Variants in TDRD15 observed in about 807,000 individuals in gnomAD.
The protein encoded by TDRD15 is tudor domain containing 15.
For synonymous variants in TDRD15, 503 were observed against 314.5 expected (o/e 1.60, Z -6.34); for missense variants, 1,416 against 904.7 (o/e 1.57, Z -7.25).
Position 21,140,296 on chromosome 2 carries a change from G to A in TDRD15, c.2829G>A (p.Glu943=). 2.8e-6 allele frequency: 2 copies of A among 714,754 alleles called. No individual in the cohort carries two copies. The highest frequency in any genetic ancestry group is 2.6e-6 in the Non-Finnish European group (1 of 383,618). 44.3% of individuals were successfully genotyped at this position (714,754 alleles called of 1,614,324 possible). A position where few individuals can be genotyped will look rare whatever the true frequency, so the allele number is the denominator to read the frequency against. The change falls in exon 4 of 4, where the codon GAG becomes GAA. Residue 943 remains glutamate (E), a synonymous_variant. Coordinates refer to ENST00000405799, the MANE Select transcript of TDRD15 (RefSeq NM_001306137.2). ...CTGCTCAGTATATCACATTATCAGA[G>A]ACATTCCCATCTTTATTTAGTCTTT... is the stretch of plus-strand genomic sequence containing the variant. ...RGSAQYITLS[E]TFPSLFSLYS...
rs1665911076 is a variant in TDRD15, at chr2:21,140,958, G to A, written c.3491G>A (p.Arg1164Lys). Residue 1164 changes from arginine (R) to lysine (K), a missense_variant, in exon 4 of 4, where the codon AGA (arginine) becomes AAA (lysine). By Grantham distance (26) the Arg-to-Lys change is conservative. Transcript: ENST00000405799. ...AGTAATAAAATAAATGAGAATAAGA[G>A]ATTTACTACTTCTTTGAAAGGCAAA... is the stretch of plus-strand genomic sequence containing the variant. ...EKSNKINENK[R>K]FTTSLKGKTG... The A allele has an allele frequency of 4.2e-6, 3 of 713,426 alleles. No individual in the cohort carries two copies. Among genetic ancestry groups the A allele is most frequent in the Non-Finnish European group, 5.2e-6 (2 of 383,240 alleles). The allele number at this position is 713,426 out of a possible 1,614,324, so 44.2% of individuals were successfully genotyped here.
rs1479554937 is a variant in TDRD15 at position 21,142,625 on chromosome 2, A to G, written c.5158A>G (p.Thr1720Ala). The G allele has an allele frequency of 2.8e-6, 2 of 712,756 alleles. No individual in the cohort carries two copies. The highest frequency in any genetic ancestry group is 2.0e-5 in the Admixed American group (1 of 49,558). 44.2% of individuals were successfully genotyped at this position (712,756 alleles called of 1,614,324 possible). ...ATCTAAGACTCCTGTATCATCATGC[A>G]CAATAAAATCATTTACTTGGGTTCA... ...IESKTPVSSC[T>A]IKSFTWVQFQ... The change falls in exon 4 of 4, where the codon ACA becomes GCA. Residue 1720 changes from threonine to alanine, a missense_variant. Physicochemically the swap from Thr to Ala is moderately conservative, Grantham distance 58 (BLOSUM62 0). Transcript: ENST00000405799.
At chr2:21,135,986 G>A (rs888360663) in intron 3 of TDRD15, among the ~76,000 whole-genome samples, 1 of 151,896 alleles carries the variant, frequency 6.6e-6, no homozygotes, top group Admixed American at 6.6e-5. Context: ...GATCTTCTGG[G>A]TACCTCTACT....
Position 21,143,341 on chromosome 2 carries a change from C to T in TDRD15, c.*69C>T. ...TACAAAAAACAAAATATAAATTTTA[C>T]ATACACTGAGAAACAAAAGTGTAAA... On this transcript the variant is annotated 3_prime_UTR_variant, in exon 4 of 4. Coordinates refer to ENST00000405799, the MANE Select transcript of TDRD15 (RefSeq NM_001306137.2). 2.0e-6 allele frequency: 1 copy of T among 500,862 alleles called. No individual in the cohort carries two copies. The highest frequency in any genetic ancestry group is 3.7e-5 in the South Asian group (1 of 27,364). 31.0% of individuals were successfully genotyped at this position (500,862 alleles called of 1,614,324 possible).
At position 21,142,041 on chromosome 2, in the gene TDRD15, T is replaced by A. The variant is rs1356082501; in HGVS notation, c.4574T>A (p.Leu1525His). ...LFKIPLEEFKLGQLEKAEMLN... is the reference protein window; with the variant it reads ...LFKIPLEEFKHGQLEKAEMLN... ...AAAATTCCTTTGGAAGAATTCAAAC[T>A]TGGACAACTTGAAAAAGCTGAAATG... The change falls in exon 4 of 4, where the codon CTT (leucine) becomes CAT (histidine). Residue 1525 changes from leucine to histidine, a missense_variant. By Grantham distance (99) the Leu-to-His change is moderately conservative. Coordinates refer to ENST00000405799, the MANE Select transcript of TDRD15 (RefSeq NM_001306137.2). The A allele has an allele frequency of 1.0e-5, 7 of 701,310 alleles. No individual in the cohort carries two copies. In the African/African-American group the frequency reaches 1.2e-4, roughly 12 times the overall value. 43.4% of individuals were successfully genotyped at this position (701,310 alleles called of 1,614,324 possible).
intron 1 of TDRD15, among the ~76,000 whole-genome samples, chr2:21,125,419 C>A (rs547979284): frequency 7.1e-6 from 1 of 141,560 alleles, no homozygotes; most frequent in African/African-American, 2.6e-5. Flanking sequence ...GGAAGAGATC[C>A]GAATGCCAGG....
rs918945819 is a variant in TDRD15, at chr2:21,137,866, G to A, written c.399G>A (p.Gly133=). The change falls in exon 4 of 4, where the codon GGG becomes GGA. Residue 133 remains glycine (G), a synonymous_variant. Coordinates refer to ENST00000405799, the MANE Select transcript of TDRD15 (RefSeq NM_001306137.2). ...TTTTTGCGAATATACTACCAGTTGG[G>A]GAAAAATGGTCCCCTAAAGCTTTGA... The part of the protein sequence containing the change: ...FGIFANILPV[G]EKWSPKALNY... 2 of 715,316 alleles carry A rather than the reference G, an allele frequency of 2.8e-6. No homozygotes were observed. Among genetic ancestry groups the A allele is most frequent in the Non-Finnish European group, 5.2e-6 (2 of 384,118 alleles). 44.3% of individuals were successfully genotyped at this position (715,316 alleles called of 1,614,324 possible). A position where few individuals can be genotyped will look rare whatever the true frequency, so the allele number is the denominator to read the frequency against.
chr2:21,125,616 A>G (rs772700144), intron 1 of TDRD15, among the ~76,000 whole-genome samples: 1 of 152,078 alleles, frequency 6.6e-6, no homozygotes, highest in Admixed American at 6.5e-5. Context: ...TTGTTGTACC[A>G]CTTTGGTATA....
At chr2:21,145,851 A>G (rs1666022016), downstream of TDRD15, among the ~76,000 whole-genome samples, 1 of 151,970 alleles carries the variant, frequency 6.6e-6, no homozygotes, top group Non-Finnish European at 1.5e-5. Context: ...TAAGACATCA[A>G]TATTTGAAAG....
At chr2:21,130,537 C>T (rs1665697184) in intron 2 of TDRD15, among the ~76,000 whole-genome samples, 1 of 152,162 alleles carries the variant, frequency 6.6e-6, no homozygotes. Flanking sequence ...GAAGTCGAAC[C>T]ATCGTAAGTC....
intron 2 of TDRD15, among the ~76,000 whole-genome samples, chr2:21,132,790 T>C: frequency 6.6e-6 from 1 of 152,306 alleles, no homozygotes; most frequent in East Asian, 1.9e-4. Context: ...TTAGATAGTT[T>C]TAATAAATTA....
Position 21,139,093 on chromosome 2 carries a change from T to C in TDRD15, c.1626T>C (p.Tyr542=), listed in dbSNP as rs1316181168. ...PEPGLFCCAR[Y]SKDRRFYRAV... is the part of the protein sequence containing the mutation. ...CTGGATTATTTTGTTGTGCTAGATA[T>C]AGCAAGGACAGACGTTTTTACAGAG... Residue 542 remains tyrosine, a synonymous_variant, in exon 4 of 4, where the codon TAT becomes TAC. Transcript: ENST00000405799. The C allele has an allele frequency of 2.8e-6, 2 of 714,956 alleles. No homozygotes were observed. Among genetic ancestry groups the C allele is most frequent in the Non-Finnish European group, 5.2e-6 (2 of 383,890 alleles). 44.3% of individuals were successfully genotyped at this position (714,956 alleles called of 1,614,324 possible).
chr2:21,137,710 C>A lies in TDRD15; in HGVS notation c.243C>A (p.Val81=). The change falls in exon 4 of 4, where the codon GTC becomes GTA. Residue 81 remains valine (V), a synonymous_variant. Coordinates refer to ENST00000405799, the MANE Select transcript of TDRD15 (RefSeq NM_001306137.2). ...RVSGEWQRGR[V]MEKKNELYTV... ...CTGGAGAATGGCAGAGAGGAAGAGT[C>A]ATGGAAAAGAAAAATGAACTCTATA... 1 of 714,446 alleles carries A rather than the reference C, an allele frequency of 1.4e-6. No homozygotes were observed. The highest frequency in any genetic ancestry group is 1.5e-5 in the South Asian group (1 of 66,996). The allele number at this position is 714,446 out of a possible 1,614,324, so 44.3% of individuals were successfully genotyped here.
rs927430740 is a variant in TDRD15 at position 21,142,816 on chromosome 2, C to T, written c.5349C>T (p.Pro1783=). 22 of 714,742 alleles carry T rather than the reference C, an allele frequency of 3.1e-5. No homozygotes were observed. The highest frequency in any genetic ancestry group is 1.1e-4 in the African/African-American group (6 of 57,110). 44.3% of individuals were successfully genotyped at this position (714,742 alleles called of 1,614,324 possible). Residue 1783 remains proline, a synonymous_variant, in exon 4 of 4, where the codon CCC becomes CCT. Coordinates refer to ENST00000405799, the MANE Select transcript of TDRD15 (RefSeq NM_001306137.2). ...CATTGCCTCAGGAGTTCATAATTCC[C>T]GGTTCTAGTTGTTTGTTCAAATATA... is the stretch of plus-strand genomic sequence containing the variant. The part of the protein sequence containing the change: ...LQTLPQEFII[P]GSSCLFKYKS...
chr2:21,128,949 T>TA (rs1665655377), intron 2 of TDRD15, among the ~76,000 whole-genome samples: 3 of 152,002 alleles, frequency 2.0e-5, no homozygotes, highest in African/African-American at 7.3e-5. Context: ...GTTATTTATT[T>TA]TTTTTTTGAC....
At chr2:21,136,180 G>T (rs1403103002) in intron 3 of TDRD15, among the ~76,000 whole-genome samples, 1 of 151,936 alleles carries the variant, frequency 6.6e-6, no homozygotes, top group Non-Finnish European at 1.5e-5. Flanking sequence ...AATTAATGGG[G>T]CTATAAACTG....
chr2:21,124,171 G>T (rs989465613), intron 1 of TDRD15, 125 bp downstream of exon 1: 2 of 152,578 alleles, frequency 1.3e-5, no homozygotes, highest in Non-Finnish European at 2.9e-5. Context: ...GCTGCGATCT[G>T]AAGTCTGTTG....
Position 21,137,852 on chromosome 2 carries a change from A to C in TDRD15, c.385A>C (p.Ile129Leu), listed in dbSNP as rs17399768. ...PRVVFGIFAN[I>L]LPVGEKWSPK... ...GGTAGTATTTGGTATTTTTGCGAAT[A>C]TACTACCAGTTGGGGAAAAATGGTC... is the stretch of plus-strand genomic sequence containing the variant. The change falls in exon 4 of 4, where the codon ATA becomes CTA. Residue 129 changes from isoleucine (I) to leucine (L), a missense_variant. Transcript: ENST00000405799. 679 of 716,034 alleles carry C rather than the reference A, an allele frequency of 9.5e-4. No individual in the cohort carries two copies. The highest frequency in any genetic ancestry group is 1.5e-3 in the Non-Finnish European group (590 of 384,326). The allele number at this position is 716,034 out of a possible 1,614,324, so 44.4% of individuals were successfully genotyped here.
intron 2 of TDRD15, among the ~76,000 whole-genome samples, chr2:21,130,324 T>G (rs551144837): frequency 3.7e-4 from 57 of 152,230 alleles, no homozygotes; most frequent in Non-Finnish European, 6.3e-4. Flanking sequence ...TTGAAAATAC[T>G]GTAAGCTGAA....
Sources: gnomAD v4.1 joint callset for allele counts (sites outside exome capture counted in the v4.1 genomes callset) on GRCh38, gnomAD v4.1.1 for gene constraint, MANE v1.5 for transcripts, NCBI Gene and HGNC (gene_info 2026-07-23, HGNC 2026-07-21) for gene names.